SOX13: variants seen among roughly 807,000 people sequenced by gnomAD.
SOX13 encodes the protein transcription factor SOX-13.
A neutral mutation model predicts 71.8 loss-of-function variants in SOX13; 28 were observed. That is an observed-to-expected ratio of 0.39 (90% CI 0.29 to 0.53). The LOEUF is 0.53. SOX13 is among the 20% of genes least tolerant of loss of function. SOX13 has a pLI of 0.70. For synonymous variants in SOX13, 309 were observed against 317.8 expected (o/e 0.97, Z 0.29); for missense variants, 627 against 810.3 (o/e 0.77, Z 2.75).
At chr1:204,079,554 C>A (rs1240009306) in intron 1 of SOX13, among the ~76,000 whole-genome samples, 2 of 151,986 alleles carry the variant, frequency 1.3e-5, no homozygotes, top group African/African-American at 4.8e-5. Flanking sequence ...CCATGTTGGC[C>A]ATGGCTGGTC....
At chr1:204,124,380 C>T (rs925428676) in intron 12 of SOX13, among the ~76,000 whole-genome samples, 5 of 152,220 alleles carry the variant, frequency 3.3e-5, no homozygotes, top group African/African-American at 1.2e-4. Flanking sequence ...GCCAGAGGCT[C>T]AAGGAAGTTG....
intron 1 of SOX13, among the ~76,000 whole-genome samples, chr1:204,094,060 T>C (rs917305064): frequency 3.3e-5 from 5 of 152,166 alleles, no homozygotes; most frequent in African/African-American, 1.2e-4. Context: ...CCAGGCCCCA[T>C]AGTGAGTTAA....
intron 1 of SOX13, among the ~76,000 whole-genome samples, chr1:204,097,558 G>T (rs908861651): frequency 1.3e-5 from 2 of 151,964 alleles, no homozygotes; most frequent in Non-Finnish European, 2.9e-5. Context: ...GGGCGTGGTG[G>T]CGCATGCCTG....
chr1:204,123,185 C>T lies in SOX13; in HGVS notation c.1208C>T (p.Ala403Val), dbSNP rs1452334384. Residue 403 changes from alanine to valine, a missense_variant, in exon 11 of 14, where the codon GCC becomes GTC. Ala to Val is a moderately conservative substitution (Grantham distance 64). Around this residue, in one of 3 missense-constraint regions of SOX13, gnomAD observed 447 missense variants for 532.2 expected, o/e 0.84. Transcript: ENST00000367204. The surrounding 1 kb of genome is among the most constrained non-coding windows in gnomAD (Gnocchi z 5.0). ...EDGCVHPLEEAMLSCDMDGSR... is the reference protein window; with the variant it reads ...EDGCVHPLEEVMLSCDMDGSR... ...GGCTGTGTGCACCCACTGGAGGAAG[C>T]CATGCTGAGCTGCGACATGGATGGT... 1.2e-6 allele frequency: 2 copies of T among 1,613,378 alleles called. No individual in the cohort carries two copies. Among genetic ancestry groups the T allele is most frequent in the East Asian group, 2.2e-5 (1 of 44,882 alleles).
chr1:204,109,616 G>A lies in SOX13; in HGVS notation c.-1-3299G>A, dbSNP rs1358278413. On this transcript the variant is annotated intron_variant, in intron 1 of 13. Coordinates refer to ENST00000367204, the MANE Select transcript of SOX13 (RefSeq NM_005686.3). ...GTTTGAATAACAAAGAAATTGCCTG[G>A]TGATGCATTTCTCAGAACATGTTTA... is the stretch of plus-strand genomic sequence containing the variant. 3.9e-5 allele frequency among the ~76,000 whole-genome samples: 6 copies of A among 152,202 alleles called. No homozygotes were observed. In the East Asian group the frequency reaches 1.2e-3, roughly 29 times the overall value.
At chr1:204,122,045 G>A (rs532402638) in intron 8 of SOX13, 60 bp downstream of exon 8, 86 of 1,293,260 alleles carry the variant, frequency 6.6e-5, no homozygotes, top group African/African-American at 1.2e-4. Context: ...GCCGGCTGCC[G>A]TGTTAGGGAA....
chr1:204,124,793 G>T lies in SOX13; in HGVS notation c.1528G>T (p.Val510Leu). The change falls in exon 13 of 14, where the codon GTG becomes TTG. Residue 510 changes from valine to leucine, a missense_variant. Physicochemically the swap from Val to Leu is conservative, Grantham distance 32 (BLOSUM62 1). Around this residue, in one of 3 missense-constraint regions of SOX13, gnomAD observed 148 missense variants for 192.7 expected, o/e 0.77. Coordinates refer to ENST00000367204, the MANE Select transcript of SOX13 (RefSeq NM_005686.3). ...CATCGTGGAGGGCAAGCGGCTGCGC[G>T]TGGGAGAGTACAAGGCCCTGATGAG... ...TCIVEGKRLR[V>L]GEYKALMRTR... 6.3e-7 allele frequency: 1 copy of T among 1,595,698 alleles called. No individual in the cohort carries two copies.
At chr1:204,090,548 A>G (rs1310575726) in intron 1 of SOX13, among the ~76,000 whole-genome samples, 1 of 151,650 alleles carries the variant, frequency 6.6e-6, no homozygotes. Flanking sequence ...AGCTGGGATT[A>G]CAGGTGTGCG....
chr1:204,079,256 G>C (rs1655847444), intron 1 of SOX13, among the ~76,000 whole-genome samples: 1 of 150,990 alleles, frequency 6.6e-6, no homozygotes, highest in Admixed American at 6.6e-5. Flanking sequence ...CTCCAGCCTG[G>C]GTGACGGAGC....
At chr1:204,102,955 C>T (rs548639531) in intron 1 of SOX13, among the ~76,000 whole-genome samples, 1 of 152,242 alleles carries the variant, frequency 6.6e-6, no homozygotes, top group South Asian at 2.1e-4. Flanking sequence ...CACCCACCCA[C>T]CTGCCTCCGG....
rs754197461 is a variant in SOX13, at chr1:204,122,342, C to T, written c.967C>T (p.Pro323Ser). The T allele has an allele frequency of 2.6e-6, 4 of 1,565,288 alleles. No homozygotes were observed. The highest frequency in any genetic ancestry group is 3.5e-6 in the Non-Finnish European group (4 of 1,153,714). Residue 323 changes from proline (P) to serine (S), a missense_variant, in exon 9 of 14, where the codon CCC becomes TCC. By Grantham distance (74) the Pro-to-Ser change is moderately conservative (BLOSUM62 -1). Around this residue, in one of 3 missense-constraint regions of SOX13, gnomAD observed 447 missense variants for 532.2 expected, o/e 0.84. Transcript: ENST00000367204. ...LKMSSCVPRP[P>S]SHGGPTRDLQ... is the part of the protein sequence containing the mutation. Reference sequence around the variant, plus strand: ...GATGAGCAGCTGTGTGCCCCGCCCCCCCAGCCATGGAGGCCCCACGCGGGA... The same window carrying T: ...GATGAGCAGCTGTGTGCCCCGCCCCTCCAGCCATGGAGGCCCCACGCGGGA...
intron 4 of SOX13, chr1:204,116,176 G>GCCGTATCATTAAAAAA: frequency 1.0e-5 from 13 of 1,282,286 alleles, no homozygotes; most frequent in Admixed American, 5.4e-5. Context: ...TGGGATGGTT[G>GCCGTATCATTAAAAAA]TCCACCCTGA....
chr1:204,093,339 A>G (rs1043539451), intron 1 of SOX13, among the ~76,000 whole-genome samples: 1 of 152,210 alleles, frequency 6.6e-6, no homozygotes, highest in African/African-American at 2.4e-5. Flanking sequence ...TTTCTGTGAA[A>G]TCTATGGAAT....
In SOX13 at chr1:204,123,514, C is replaced by T; in HGVS notation, c.1232-147C>T. ...TTTGCTGTTTCTTCTGCCCCATCTG[C>T]TCCTGCCTTGCTCCTCCTCGGCTGG... On this transcript the variant is annotated intron_variant, in intron 11 of 13. Coordinates refer to ENST00000367204, the MANE Select transcript of SOX13 (RefSeq NM_005686.3). This position sits in a 1 kb window ranked among gnomAD's most constrained non-coding sequence, Gnocchi z 5.0. The T allele has an allele frequency of 1.2e-6, 1 of 809,746 alleles. No individual in the cohort carries two copies. Among genetic ancestry groups the T allele is most frequent in the Non-Finnish European group, 1.9e-6 (1 of 522,364 alleles). The allele number at this position is 809,746 out of a possible 1,614,324, so 50.2% of individuals were successfully genotyped here. A position where few individuals can be genotyped will look rare whatever the true frequency, so the allele number is the denominator to read the frequency against.
At chr1:204,097,562 A>G (rs1307575728) in intron 1 of SOX13, among the ~76,000 whole-genome samples, 3 of 151,850 alleles carry the variant, frequency 2.0e-5, no homozygotes, top group Admixed American at 2.0e-4. Context: ...GTGGTGGCGC[A>G]TGCCTGTAAT....
chr1:204,100,509 T>G (rs1001078976), intron 1 of SOX13, among the ~76,000 whole-genome samples: 2 of 152,078 alleles, frequency 1.3e-5, no homozygotes, highest in Non-Finnish European at 2.9e-5. Context: ...TATAGTAGAT[T>G]AAGCTGCTTC....
intron 1 of SOX13, 136 bp from the exon 2 acceptor site, chr1:204,112,778 CT>C: frequency 1.6e-6 from 1 of 621,952 alleles, no homozygotes; most frequent in Non-Finnish European, 2.8e-6. Flanking sequence ...TAAGCTTGCC[CT>C]TTCTGTGAGT....
At chr1:204,102,681 T>C (rs1475762675) in intron 1 of SOX13, among the ~76,000 whole-genome samples, 1 of 150,886 alleles carries the variant, frequency 6.6e-6, no homozygotes, top group Non-Finnish European at 1.5e-5. Context: ...TTCTGCTTGT[T>C]TGACCATGTG....
chr1:204,113,101 A>G lies in SOX13; in HGVS notation c.186A>G (p.Gln62=), dbSNP rs1656620905. 1.3e-6 allele frequency: 2 copies of G among 1,581,966 alleles called. No homozygotes were observed. The highest frequency in any genetic ancestry group is 1.7e-6 in the Non-Finnish European group (2 of 1,164,936). ...CCTCCCAGGATAGTGCTGACCCCCA[A>G]GCTCCAGCCCAGGGGAATTTCAGGG... ...ARASQDSADP[Q]APAQGNFRGS... Residue 62 remains glutamine, a synonymous_variant, in exon 2 of 14, where the codon CAA becomes CAG. Coordinates refer to ENST00000367204, the MANE Select transcript of SOX13 (RefSeq NM_005686.3).
Sources: gnomAD v4.1 joint callset for allele counts (sites outside exome capture counted in the v4.1 genomes callset) on GRCh38, gnomAD v4.1.1 for gene constraint, gnomAD v4.1.1 regional missense constraint, Gnocchi (gnomAD v3.1) non-coding constraint, MANE v1.5 for transcripts, NCBI Gene and HGNC (gene_info 2026-07-23, HGNC 2026-07-21) for gene names.